The following PRMT7 variants were observed in gnomAD, a reference collection of about 807,000 sequenced individuals.
PRMT7 encodes the protein protein arginine N-methyltransferase 7.
PRMT7 carries 75 observed loss-of-function variants against 85.4 expected under a neutral mutation model. That is an observed-to-expected ratio of 0.88 (90% confidence interval 0.73 to 1.06). PRMT7 has a LOEUF of 1.06. Ranked by LOEUF, PRMT7 falls within the 50% of genes least tolerant of loss-of-function variation. The pLI, the probability that PRMT7 is intolerant of heterozygous loss-of-function variation, is 0.00. For missense variants in PRMT7, 868 were observed against 915.2 expected (o/e 0.95, Z 0.67); for synonymous variants, 397 against 359.5 (o/e 1.10, Z -1.18).
intron 2 of PRMT7, chr16:68,315,305 A>G (rs957438810): frequency 6.6e-6 from 1 of 152,534 alleles, no homozygotes; most frequent in Admixed American, 6.5e-5. Flanking sequence ...TGAAGAACGT[A>G]TCACTCCATT....
intron 4 of PRMT7, 190 bp from the exon 5 acceptor site, chr16:68,324,493 G>A (rs1365812147): frequency 1.5e-5 from 9 of 619,574 alleles, no homozygotes; most frequent in Non-Finnish European, 2.3e-5. Flanking sequence ...AGGGACAGTC[G>A]CTTAATAAAG....
At chr16:68,352,448 A>C (rs1032173011) in intron 15 of PRMT7, 39 bp downstream of exon 15, 1 of 1,563,302 alleles carries the variant, frequency 6.4e-7, no homozygotes, top group Non-Finnish European at 8.7e-7. Flanking sequence ...AAAGCAGAGG[A>C]GGCGGGTGGG....
rs1382405927 is a variant in PRMT7 at position 68,348,236 on chromosome 16, T to C, written c.1324-106T>C. 4.2e-6 allele frequency: 4 copies of C among 954,492 alleles called. No individual in the cohort carries two copies. The African/African-American group carries it at 6.6e-5, about 16-fold the overall frequency. The allele number at this position is 954,492 out of a possible 1,614,324, so 59.1% of individuals were successfully genotyped here. A position where few individuals can be genotyped will look rare whatever the true frequency, so the allele number is the denominator to read the frequency against. On this transcript the variant is annotated intron_variant, in intron 13 of 18. Coordinates refer to ENST00000441236, the MANE Select transcript of PRMT7 (RefSeq NM_019023.5). ...GATAAAAGTGGTGTTCCAGAACCAT[T>C]TGCCGGAAAATTCAAAGCGGAGAAT...
At chr16:68,347,588 T>C in intron 12 of PRMT7, 43 bp from the exon 13 acceptor site, 1 of 1,584,590 alleles carries the variant, frequency 6.3e-7, no homozygotes, top group Non-Finnish European at 8.7e-7. Flanking sequence ...TTCTTCTCTG[T>C]TAAGTGAATA....
At chr16:68,326,306 C>T (rs961318152) in intron 5 of PRMT7, among the ~76,000 whole-genome samples, 3 of 152,104 alleles carry the variant, frequency 2.0e-5, no homozygotes, top group Admixed American at 1.3e-4. Context: ...TTTTTCGTGG[C>T]GTGATCTCTA....
chr16:68,318,348 C>T (rs967739317), intron 3 of PRMT7, among the ~76,000 whole-genome samples: 21 of 151,320 alleles, frequency 1.4e-4, no homozygotes, highest in Admixed American at 3.9e-4. Flanking sequence ...TACAGGTGCC[C>T]GCTGCCACGC....
chr16:68,351,919 C>G (rs1033242221), intron 14 of PRMT7: 1 of 194,994 alleles, frequency 5.1e-6, no homozygotes, highest in Non-Finnish European at 1.0e-5. Context: ...CCCTTCCTTG[C>G]TTTTTTCTAT....
At chr16:68,337,940 G>A (rs989433784) in intron 7 of PRMT7, among the ~76,000 whole-genome samples, 8 of 152,152 alleles carry the variant, frequency 5.3e-5, no homozygotes, top group Admixed American at 3.9e-4. Context: ...GAATCGGTGC[G>A]GTGGCTCCGG....
At chr16:68,320,444 C>G (rs6499168) in intron 3 of PRMT7, among the ~76,000 whole-genome samples, 11 of 152,128 alleles carry the variant, frequency 7.2e-5, no homozygotes, top group Non-Finnish European at 7.3e-5. Flanking sequence ...TAGATTAAAA[C>G]GGGAAACAAA....
At chr16:68,331,197 G>GT (rs2083840580) in intron 6 of PRMT7, among the ~76,000 whole-genome samples, 1 of 152,070 alleles carries the variant, frequency 6.6e-6, no homozygotes, top group South Asian at 2.1e-4. Context: ...TGGAATCAAA[G>GT]AAGTGTGGAC....
chr16:68,328,849 C>T (rs547015422), intron 5 of PRMT7, among the ~76,000 whole-genome samples: 158 of 152,276 alleles, frequency 1.0e-3, no homozygotes, highest in South Asian at 4.6e-3. Flanking sequence ...TCAGGATCCC[C>T]GGCATCCCCG....
At chr16:68,335,035 G>C (rs2084457028) in intron 6 of PRMT7, among the ~76,000 whole-genome samples, 1 of 152,160 alleles carries the variant, frequency 6.6e-6, no homozygotes, top group African/African-American at 2.4e-5. Flanking sequence ...GGCCTCAAGT[G>C]ATCAGCCCAG....
intron 17 of PRMT7, 56 bp from the exon 18 acceptor site, chr16:68,356,645 G>A (rs1481687012): frequency 2.2e-6 from 3 of 1,391,154 alleles, no homozygotes; most frequent in African/African-American, 1.4e-5. Context: ...AGCTGCAGCT[G>A]TTCCCCCGCT....
At chr16:68,352,153 G>C in intron 14 of PRMT7, 95 bp from the exon 15 acceptor site, 2 of 1,345,450 alleles carry the variant, frequency 1.5e-6, no homozygotes, top group Non-Finnish European at 2.0e-6. Flanking sequence ...GGAGTGACTT[G>C]AGTGACTGAG....
In PRMT7 at chr16:68,358,371, T is replaced by A. The variant is rs1310741564; in HGVS notation, c.*1147T>A. The stretch of plus-strand genomic sequence containing the variant: ...TTTCTCCTCGTTATCCATCCTTCCT[T>A]TCAGCACCAGTAAGGAAAAAGAACA... On this transcript the variant is annotated 3_prime_UTR_variant, in exon 19 of 19. Coordinates refer to ENST00000441236, the MANE Select transcript of PRMT7 (RefSeq NM_019023.5). 6.5e-6 allele frequency: 1 copy of A among 152,728 alleles called. No individual in the cohort carries two copies. The highest frequency in any genetic ancestry group is 2.4e-5 in the African/African-American group (1 of 41,472). The allele number at this position is 152,728 out of a possible 1,614,324, so 9.5% of individuals were successfully genotyped here.
Position 68,357,363 on chromosome 16 carries a change from A to G in PRMT7, c.*139A>G. ...GATGGGAAAGACTGCGCCGTGTTGC[A>G]TCTTGTTGCATCTTTGCACTGCTGG... is the stretch of plus-strand genomic sequence containing the variant. On this transcript the variant is annotated 3_prime_UTR_variant, in exon 19 of 19. Transcript: ENST00000441236. 1 of 880,360 alleles carries G rather than the reference A, an allele frequency of 1.1e-6. No individual in the cohort carries two copies. Among genetic ancestry groups the G allele is most frequent in the Non-Finnish European group, 1.7e-6 (1 of 589,698 alleles). 54.5% of individuals were successfully genotyped at this position (880,360 alleles called of 1,614,324 possible). A position where few individuals can be genotyped will look rare whatever the true frequency, so the allele number is the denominator to read the frequency against.
chr16:68,320,622 T>C (rs1334922615), intron 3 of PRMT7, among the ~76,000 whole-genome samples: 1 of 152,200 alleles, frequency 6.6e-6, no homozygotes, highest in African/African-American at 2.4e-5. Context: ...GTGGGCATCA[T>C]AGCCATCAAC....
chr16:68,347,494 C>T, intron 12 of PRMT7, 137 bp from the exon 13 acceptor site: 2 of 1,081,054 alleles, frequency 1.9e-6, no homozygotes, highest in Non-Finnish European at 1.4e-6. Context: ...GTTCAGGCTG[C>T]CCCAGGGAGG....
At chr16:68,325,281 G>T (rs2082972485) in intron 5 of PRMT7, among the ~76,000 whole-genome samples, 1 of 152,214 alleles carries the variant, frequency 6.6e-6, no homozygotes, top group Non-Finnish European at 1.5e-5. Flanking sequence ...GATCTCTTGA[G>T]CCCGGAAAGT....
Sources: allele counts gnomAD v4.1 joint callset (sites outside exome capture counted in the v4.1 genomes callset), GRCh38; gene constraint gnomAD v4.1.1; transcripts MANE v1.5; gene names NCBI Gene and HGNC (gene_info 2026-07-23, HGNC 2026-07-21).